Variants in PCDHA10 observed in about 807,000 individuals in gnomAD.
PCDHA10 encodes the protein protocadherin alpha-10.
Under a neutral mutation model 61.2 loss-of-function variants are expected in PCDHA10, and 45 were observed. The observed-to-expected ratio is 0.74, with a 90% CI of 0.58 to 0.94. The LOEUF is 0.94. Among genes scored for constraint, PCDHA10 ranks in the 40% least tolerant of loss-of-function variants. The pLI is 0.00. For synonymous variants in PCDHA10, 602 were observed against 548.8 expected, an observed-to-expected ratio of 1.10 and a Z score of -1.35; for missense variants, 1,278 against 1,236.2, an observed-to-expected ratio of 1.03 and a Z score of -0.51.
intron 1 of PCDHA10, among the ~76,000 whole-genome samples, chr5:140,898,137 G>C (rs1554187832): frequency 6.6e-6 from 1 of 152,098 alleles, no homozygotes; most frequent in African/African-American, 2.4e-5. Flanking sequence ...CATTTTGTAG[G>C]TTGCCTGTTC....
intron 1 of PCDHA10, among the ~76,000 whole-genome samples, chr5:140,973,418 T>G (rs1235123458): frequency 6.6e-6 from 1 of 152,212 alleles, no homozygotes; most frequent in East Asian, 1.9e-4. Flanking sequence ...CCACTCCAGT[T>G]TTTCATCCTC....
At chr5:140,923,468 G>T (rs2081380588) in intron 1 of PCDHA10, among the ~76,000 whole-genome samples, 1 of 152,098 alleles carries the variant, frequency 6.6e-6, no homozygotes, top group African/African-American at 2.4e-5. Flanking sequence ...GGTAGGGGCT[G>T]CAGTGAGCCA....
chr5:140,983,429 T>G (rs2097050099), intron 3 of PCDHA10, among the ~76,000 whole-genome samples: 1 of 152,214 alleles, frequency 6.6e-6, no homozygotes, highest in South Asian at 2.1e-4. Flanking sequence ...AGACCACAAA[T>G]TGTGTCTACT....
chr5:140,958,204 G>T (rs2095413529), intron 1 of PCDHA10, among the ~76,000 whole-genome samples: 2 of 152,042 alleles, frequency 1.3e-5, no homozygotes, highest in South Asian at 2.1e-4. Flanking sequence ...AGTATACAAG[G>T]GAATTAGATT....
chr5:140,951,493 A>C (rs1554219918), intron 1 of PCDHA10, among the ~76,000 whole-genome samples: 1 of 152,022 alleles, frequency 6.6e-6, no homozygotes, highest in Non-Finnish European at 1.5e-5. Context: ...TCATGGTGGA[A>C]GGCAAAAGGA....
chr5:140,985,346 A>G (rs2097147411), intron 3 of PCDHA10, among the ~76,000 whole-genome samples: 1 of 152,186 alleles, frequency 6.6e-6, no homozygotes, highest in African/African-American at 2.4e-5. Flanking sequence ...GCAGGCCCAG[A>G]TATAGACCCT....
At chr5:140,879,137 G>A (rs1313863348) in intron 1 of PCDHA10, among the ~76,000 whole-genome samples, 2 of 152,210 alleles carry the variant, frequency 1.3e-5, no homozygotes, top group Non-Finnish European at 2.9e-5. Context: ...GGGAGATTGT[G>A]AAGGCAGGAA....
chr5:140,993,519 GAGAC>G (rs1554253814), intron 3 of PCDHA10, among the ~76,000 whole-genome samples: 1 of 151,288 alleles, frequency 6.6e-6, no homozygotes, highest in Non-Finnish European at 1.5e-5. Context: ...CGGGGAGAGA[GAGAC>G]AGAGAGAGAG....
chr5:140,954,355 G>A (rs10054520), intron 1 of PCDHA10, among the ~76,000 whole-genome samples: 9 of 152,232 alleles, frequency 5.9e-5, no homozygotes, highest in African/African-American at 1.7e-4. Context: ...TTGAGGAATC[G>A]CCACACAGTC....
chr5:140,871,328 G>T (rs374687707), intron 1 of PCDHA10: 4 of 1,614,128 alleles, frequency 2.5e-6, no homozygotes, highest in African/African-American at 1.3e-5. Context: ...GTGTGCTCCC[G>T]CGCGGTGGGG....
intron 1 of PCDHA10, among the ~76,000 whole-genome samples, chr5:140,888,190 A>G (rs2153423083): frequency 6.6e-6 from 1 of 152,280 alleles, no homozygotes; most frequent in East Asian, 1.9e-4. Flanking sequence ...TGTGAATTTT[A>G]CATTGTCGGA....
rs782727100 is a variant in PCDHA10, at chr5:140,877,121, C to G, written c.2388+18685C>G. 12 of 1,613,694 alleles carry G rather than the reference C, an allele frequency of 7.4e-6. No homozygotes were observed. In the South Asian group the frequency reaches 8.8e-5, roughly 12 times the overall value. ...GTGCCGCCTCTGGGCAGCAACGTGA[C>G]GCTGCAGGTGTTCGTGCTGGACGAG... is the stretch of plus-strand genomic sequence containing the variant. On this transcript the variant is annotated intron_variant, in intron 1 of 3. Coordinates refer to ENST00000307360, the MANE Select transcript of PCDHA10 (RefSeq NM_018901.4).
intron 1 of PCDHA10, among the ~76,000 whole-genome samples, chr5:140,952,946 G>A (rs2094822679): frequency 6.6e-6 from 1 of 152,070 alleles, no homozygotes; most frequent in African/African-American, 2.4e-5. Flanking sequence ...AAGAGAGAGA[G>A]AAGGGGGAAG....
At chr5:140,878,735 C>T (rs2057715661) in intron 1 of PCDHA10, among the ~76,000 whole-genome samples, 1 of 152,198 alleles carries the variant, frequency 6.6e-6, no homozygotes, top group Non-Finnish European at 1.5e-5. Context: ...AGCCTTATAT[C>T]TACTTTCTTA....
rs540052499 is a variant in PCDHA10 at position 140,992,812 on chromosome 5, G to A, written c.2536+10249G>A. Among the ~76,000 whole-genome samples the A allele has an allele frequency of 2.5e-4, 38 of 152,228 alleles. No homozygotes were observed. The South Asian group carries it at 7.9e-3, about 32-fold the overall frequency. ...TTTTATGGATCCATATGTATCTAAG[G>A]ATGTGTTTGTTTTTTGGGAACATTT... is the stretch of plus-strand genomic sequence containing the variant. On this transcript the variant is annotated intron_variant, in intron 3 of 3. Transcript: ENST00000307360.
intron 1 of PCDHA10, chr5:140,883,837 G>A (rs1554180178): frequency 6.2e-7 from 1 of 1,612,730 alleles, no homozygotes; most frequent in East Asian, 2.2e-5. Context: ...TGCAGCCGTT[G>A]GACCACGAGG....
intron 1 of PCDHA10, among the ~76,000 whole-genome samples, chr5:140,884,876 C>A (rs1554181909): frequency 6.6e-6 from 1 of 152,096 alleles, no homozygotes; most frequent in African/African-American, 2.4e-5. Context: ...ATGAAATGTG[C>A]AAAACAAGAA....
chr5:140,871,152 G>T lies in PCDHA10; in HGVS notation c.2388+12716G>T, dbSNP rs376980257. 913 of 1,613,436 alleles carry T rather than the reference G, an allele frequency of 5.7e-4. 8 individuals carry two copies. In the South Asian group the frequency reaches 9.3e-3, roughly 16 times the overall value. Reference sequence around the variant, plus strand: ...CAAAGGCCTCTTCCCGGACTTTGGCGGGCGCCGCGAGCCCAGAGGCTGCGC... The same window carrying T: ...CAAAGGCCTCTTCCCGGACTTTGGCTGGCGCCGCGAGCCCAGAGGCTGCGC... On this transcript the variant is annotated intron_variant, in intron 1 of 3. Transcript: ENST00000307360.
intron 1 of PCDHA10, among the ~76,000 whole-genome samples, chr5:140,934,050 C>G (rs558726288): frequency 6.6e-6 from 1 of 151,834 alleles, no homozygotes; most frequent in African/African-American, 2.4e-5. Flanking sequence ...TTAGTCTTTC[C>G]AAGGCTAACT....
Sources: gnomAD v4.1 joint callset for allele counts (sites outside exome capture counted in the v4.1 genomes callset) on GRCh38, gnomAD v4.1.1 for gene constraint, MANE v1.5 for transcripts, NCBI Gene and HGNC (gene_info 2026-07-23, HGNC 2026-07-21) for gene names.